The following KDM6A variants were observed in gnomAD, a reference collection of about 807,000 sequenced individuals.
KDM6A encodes lysine demethylase 6A, also known as lysine-specific demethylase 6A.
A neutral mutation model predicts 117.6 loss-of-function variants in KDM6A; 11 were observed. The observed-to-expected ratio is 0.09, with a 90% CI of 0.06 to 0.15. The LOEUF is 0.15. Among genes scored for constraint, KDM6A ranks in the 10% least tolerant of loss-of-function variants. The pLI is 1.00. For synonymous variants in KDM6A, 384 were observed against 396.1 expected, an observed-to-expected ratio of 0.97 and a Z score of 0.36; for missense variants, 799 against 1,077.3, an observed-to-expected ratio of 0.74 and a Z score of 3.62.
At chrX:45,026,078 G>A (rs1453734535) in intron 6 of KDM6A, among the ~76,000 whole-genome samples, 1 of 112,061 alleles carries the variant, frequency 8.9e-6, no homozygotes, top group Non-Finnish European at 1.9e-5. Flanking sequence ...TATAAAATGA[G>A]AAAATGCCTA....
chrX:44,981,483 A>G (rs2039905540), intron 4 of KDM6A, among the ~76,000 whole-genome samples: 1 of 111,859 alleles, frequency 8.9e-6, no homozygotes, highest in Non-Finnish European at 1.9e-5. Flanking sequence ...CCGCTTGTGC[A>G]GCTATCCAGA....
chrX:44,984,947 A>G (rs1481889749), intron 4 of KDM6A, among the ~76,000 whole-genome samples: 1 of 110,828 alleles, frequency 9.0e-6, no homozygotes, highest in Non-Finnish European at 1.9e-5. Flanking sequence ...AATTCTGTGA[A>G]GAAAGTCATT....
chrX:44,994,913 G>T (rs1417765166), intron 4 of KDM6A, among the ~76,000 whole-genome samples: 1 of 111,777 alleles, frequency 8.9e-6, no homozygotes, highest in East Asian at 2.8e-4. Context: ...GGGTGGAGCA[G>T]GTAGTCGAAA....
intron 17 of KDM6A, among the ~76,000 whole-genome samples, chrX:45,068,135 T>C (rs1453935886): frequency 8.9e-6 from 1 of 111,783 alleles, no homozygotes; most frequent in Non-Finnish European, 1.9e-5. Flanking sequence ...TTTTATTCTT[T>C]TATAGCTTAT....
chrX:45,049,988 T>A (rs1034894561), intron 8 of KDM6A, among the ~76,000 whole-genome samples: 2 of 112,969 alleles, frequency 1.8e-5, no homozygotes, highest in African/African-American at 6.4e-5. Flanking sequence ...TTAACTTTTT[T>A]TAGACCAGAT....
chrX:44,970,782 A>G, intron 3 of KDM6A, among the ~76,000 whole-genome samples: 1 of 111,882 alleles, frequency 8.9e-6, no homozygotes, highest in Non-Finnish European at 1.9e-5. Context: ...TCATAGGTGG[A>G]TTTTTCTCCA....
At chrX:45,038,701 A>G in intron 8 of KDM6A, among the ~76,000 whole-genome samples, 1 of 110,331 alleles carries the variant, frequency 9.1e-6, no homozygotes, top group Middle Eastern at 4.2e-3. Flanking sequence ...GCAAACCACC[A>G]TGGCACATGT....
chrX:45,028,209 T>C (rs1209712671), intron 6 of KDM6A, among the ~76,000 whole-genome samples: 1 of 112,196 alleles, frequency 8.9e-6, no homozygotes, highest in Non-Finnish European at 1.9e-5. Context: ...ATTAACATCA[T>C]TTTTCATTGC....
At chrX:45,042,228 A>G (rs189002050) in intron 8 of KDM6A, among the ~76,000 whole-genome samples, 3,478 of 67,113 alleles carry the variant, frequency 0.052, 413 homozygotes, top group African/African-American at 0.2. Context: ...GCTCGGCATC[A>G]GAGGGAGACC....
intron 2 of KDM6A, among the ~76,000 whole-genome samples, chrX:44,947,907 C>T (rs1387255738): frequency 1.8e-5 from 2 of 111,239 alleles, no homozygotes; most frequent in Non-Finnish European, 3.8e-5. Context: ...AAATAAGACC[C>T]CAGAACCCAA....
At chrX:44,925,225 A>T (rs1027215022) in intron 2 of KDM6A, among the ~76,000 whole-genome samples, 5 of 110,880 alleles carry the variant, frequency 4.5e-5, no homozygotes, top group African/African-American at 1.6e-4. Flanking sequence ...TGTGAACTCT[A>T]AACTGCCTTG....
chrX:44,897,240 T>C (rs2033963238), intron 2 of KDM6A, among the ~76,000 whole-genome samples: 1 of 106,954 alleles, frequency 9.3e-6, no homozygotes, highest in Non-Finnish European at 1.9e-5. Flanking sequence ...ACTCTTTTAT[T>C]GAGCTCATTC....
chrX:44,992,678 G>A (rs1035088597), intron 4 of KDM6A, among the ~76,000 whole-genome samples: 35 of 108,596 alleles, frequency 3.2e-4, no homozygotes, highest in Non-Finnish European at 3.2e-4. Context: ...AACCTCCTGA[G>A]TAGCTGGGAC....
chrX:44,880,151 C>A (rs1207173880), intron 2 of KDM6A, among the ~76,000 whole-genome samples: 1 of 97,143 alleles, frequency 1.0e-5, no homozygotes, highest in African/African-American at 4.2e-5. Flanking sequence ...CCAGCCTGGG[C>A]GACAGAGCGA....
At chrX:44,963,483 G>GTGTCTGTC (rs1556012411) in intron 3 of KDM6A, among the ~76,000 whole-genome samples, 91 of 40,862 alleles carry the variant, frequency 2.2e-3, no homozygotes, top group Middle Eastern at 0.013. Context: ...GTGTGTGTGT[G>GTGTCTGTC]TGTCTGTCTG....
chrX:45,104,021 AT>A (rs1250887879), intron 27 of KDM6A, among the ~76,000 whole-genome samples: 1 of 104,794 alleles, frequency 9.5e-6, no homozygotes, highest in African/African-American at 3.6e-5. Context: ...AGCAAATTGA[AT>A]TCTTTTTTTT....
intron 8 of KDM6A, among the ~76,000 whole-genome samples, chrX:45,048,664 T>C (rs1414176512): frequency 9.2e-6 from 1 of 108,906 alleles, no homozygotes; most frequent in Non-Finnish European, 1.9e-5. Context: ...AAGCCTGCCT[T>C]CAGGTGAAAA....
At chrX:45,035,046 CAAT>C (rs2042750856) in intron 7 of KDM6A, 61 bp downstream of exon 7, 1 of 893,168 alleles carries the variant, frequency 1.1e-6, no homozygotes, top group Non-Finnish European at 1.6e-6. Context: ...TGGCAAATAA[CAAT>C]AATGTTAGTG....
chrX:45,097,338 CT>C (rs2046152297), intron 27 of KDM6A, among the ~76,000 whole-genome samples: 1 of 110,875 alleles, frequency 9.0e-6, no homozygotes, highest in African/African-American at 3.3e-5. Context: ...ACATGTACCC[CT>C]GAACTTAAAA....
Sources: gnomAD v4.1 joint callset for allele counts (sites outside exome capture counted in the v4.1 genomes callset) on GRCh38, gnomAD v4.1.1 for gene constraint, MANE v1.5 for transcripts, NCBI Gene and HGNC (gene_info 2026-07-23, HGNC 2026-07-21) for gene names.